Variants in DHX16 observed in about 807,000 individuals in gnomAD.
The protein encoded by DHX16 is pre-mRNA-splicing factor ATP-dependent RNA helicase DHX16.
A neutral mutation model predicts 131.2 loss-of-function variants in DHX16; 81 were observed. The ratio of observed to expected loss-of-function variants is 0.62; its 90% confidence interval spans 0.52 to 0.74. The LOEUF is 0.74. DHX16 is among the 30% of genes least tolerant of loss of function. DHX16 has a pLI of 0.00. For missense variants in DHX16, 980 were observed against 1,363.1 expected, an observed-to-expected ratio of 0.72 and a Z score of 4.43; for synonymous variants, 440 against 520.2, an observed-to-expected ratio of 0.85 and a Z score of 2.10.
intron 9 of DHX16, chr6:30,661,707 C>A: frequency 1.4e-6 from 1 of 713,176 alleles, no homozygotes; most frequent in Admixed American, 2.0e-5. Flanking sequence ...AGGAACTCAT[C>A]CCCATCTTCC....
At chr6:30,654,960 G>A in intron 18 of DHX16, 81 bp from the exon 19 acceptor site, 1 of 1,479,364 alleles carries the variant, frequency 6.8e-7, no homozygotes, top group Non-Finnish European at 9.1e-7. Context: ...TTTTAGTTCA[G>A]GCTTCAGGAA....
rs543187031 is a variant in DHX16 at position 30,665,623 on chromosome 6, G to A, written c.777C>T (p.Asp259=). ...ELADEEFLFG[D]VELSRHERQE... The stretch of plus-strand genomic sequence containing the variant: ...GCCGCTCGTGCCGGCTCAGCTCCAC[G>A]TCCCCAAAAAGGAACTCCTCATCAG... Residue 259 remains aspartate, a synonymous_variant, in exon 5 of 20, where the codon GAC becomes GAT. Transcript: ENST00000376442. The surrounding 1 kb of genome is among the most constrained non-coding windows in gnomAD (Gnocchi z 4.8). The A allele has an allele frequency of 1.2e-4, 190 of 1,612,816 alleles. No homozygotes were observed. The East Asian group carries it at 2.9e-3, about 24-fold the overall frequency.
intron 4 of DHX16, among the ~76,000 whole-genome samples, chr6:30,666,587 C>T (rs1309916909): frequency 1.3e-5 from 2 of 152,110 alleles, no homozygotes; most frequent in Non-Finnish European, 2.9e-5. Flanking sequence ...GTGGGTGGAT[C>T]ACCTAAGGTC....
chr6:30,657,107 AT>A lies in DHX16; in HGVS notation c.2008-16del. ...GCCACAACCACCTGAGTGATAGGAT[AT>A]GGGGTCACCCAGTGACCCCACCTAC... On this transcript the variant is annotated splice_polypyrimidine_tract_variant and intron_variant, in intron 12 of 19. Transcript: ENST00000376442. The A allele has an allele frequency of 6.2e-7, 1 of 1,606,920 alleles. No homozygotes were observed. The highest frequency in any genetic ancestry group is 8.5e-7 in the Non-Finnish European group (1 of 1,176,792).
In DHX16 at chr6:30,662,210, G is replaced by C. The variant is rs1391748738; in HGVS notation, c.1544+417C>G. ...AGCCATTGGTATTGAGTTGGAATCT[G>C]TCTCCCTGTAACCTCCCCATGGCTC... On this transcript the variant is annotated intron_variant, in intron 9 of 19. Coordinates refer to ENST00000376442, the MANE Select transcript of DHX16 (RefSeq NM_003587.5). This position sits in a 1 kb window ranked among gnomAD's most constrained non-coding sequence, Gnocchi z 4.7. 6.6e-6 allele frequency among the ~76,000 whole-genome samples: 1 copy of C among 152,152 alleles called. No individual in the cohort carries two copies. The highest frequency in any genetic ancestry group is 2.4e-5 in the African/African-American group (1 of 41,426).
In DHX16 at chr6:30,653,450, T is replaced by TGAA; in HGVS notation, c.2998-83_2998-81dup. 3.4e-6 allele frequency: 5 copies of TGAA among 1,471,356 alleles called. No individual in the cohort carries two copies. The South Asian group carries it at 6.8e-5, about 20-fold the overall frequency. The allele number at this position is 1,471,356 out of a possible 1,614,324, so 91.1% of individuals were successfully genotyped here. A position where few individuals can be genotyped will look rare whatever the true frequency, so the allele number is the denominator to read the frequency against. ...TTGTTGTTATTTTTTTTTCTTAAATTGAAACAGAGTCTTGCTCTATTGCCC... is the reference window on the plus strand; with the variant it reads ...TTGTTGTTATTTTTTTTTCTTAAATTGAAGAAACAGAGTCTTGCTCTATTGCCC... On this transcript the variant is annotated intron_variant, in intron 19 of 19. Coordinates refer to ENST00000376442, the MANE Select transcript of DHX16 (RefSeq NM_003587.5).
intron 18 of DHX16, 87 bp downstream of exon 18, chr6:30,655,088 G>C (rs543690636): frequency 5.2e-6 from 8 of 1,551,682 alleles, no homozygotes; most frequent in African/African-American, 2.7e-5. Flanking sequence ...ATGCTCTCAC[G>C]CTGGAGGAAA....
At chr6:30,669,553 C>T (rs1415688849) in intron 4 of DHX16, among the ~76,000 whole-genome samples, 1 of 151,626 alleles carries the variant, frequency 6.6e-6, no homozygotes, top group African/African-American at 2.4e-5. Flanking sequence ...GTCAGGGGTT[C>T]GAGACCACCC....
chr6:30,654,819 CTG>C lies in DHX16; in HGVS notation c.2882_2883del (p.Thr961SerfsTer17), dbSNP rs1767813388. The C allele has an allele frequency of 6.2e-7, 1 of 1,612,972 alleles. No individual in the cohort carries two copies. The highest frequency in any genetic ancestry group is 8.5e-7 in the Non-Finnish European group (1 of 1,180,026). On this transcript the variant is annotated frameshift_variant, in exon 19 of 20. Transcript: ENST00000376442. LOFTEE classifies it high-confidence loss of function. Reference protein sequence around the residue: ...TARLTRSGYRTVKQQQTVFIH... With the variant: ...TARLTRSGYRXVKQQQTVFIH... ...ATGAAGACTGTCTGCTGCTGTTTCA[CTG>C]TGCGGTAGCCACTCCGAGTCAACCG...
chr6:30,661,699 G>T, intron 9 of DHX16: 1 of 711,708 alleles, frequency 1.4e-6, no homozygotes, highest in South Asian at 1.5e-5. Context: ...CAAGTCCCAG[G>T]AACTCATCCC....
At position 30,664,848 on chromosome 6, in the gene DHX16, T is replaced by C; in HGVS notation, c.1270A>G (p.Thr424Ala). 6.2e-7 allele frequency: 1 copy of C among 1,612,996 alleles called. No homozygotes were observed. Among genetic ancestry groups the C allele is most frequent in the Non-Finnish European group, 8.5e-7 (1 of 1,180,000 alleles). ...NHQVLIIEGE[T>A]GSGKTTQIPQ... ...ATCTGGGTGGTCTTCCCTGAGCCTG[T>C]CTCGCCTTCAATGATGAGGACTTGG... The change falls in exon 7 of 20, where the codon ACA (threonine) becomes GCA (alanine). Residue 424 changes from threonine to alanine, a missense_variant. Around this residue, in one of 3 missense-constraint regions of DHX16, gnomAD observed 309 missense variants for 537.1 expected, o/e 0.58. Transcript: ENST00000376442.
In DHX16 at chr6:30,671,228, C is replaced by T. The variant is rs751584086; in HGVS notation, c.254G>A (p.Arg85Gln). The T allele has an allele frequency of 3.1e-6, 5 of 1,612,932 alleles. No homozygotes were observed. The highest frequency in any genetic ancestry group is 4.5e-5 in the East Asian group (2 of 44,900). Reference sequence around the variant, plus strand: ...CTTCTCCAGCAGGGCCCGGGCCTCTCGCTCTGCTGCCCGAGCTGGCTTTTC... The same window carrying T: ...CTTCTCCAGCAGGGCCCGGGCCTCTTGCTCTGCTGCCCGAGCTGGCTTTTC... The part of the protein sequence containing the change: ...VVEKPARAAE[R>Q]EARALLEKNR... The change falls in exon 2 of 20, where the codon CGA becomes CAA. Residue 85 changes from arginine (R) to glutamine (Q), a missense_variant. Around this residue, in one of 3 missense-constraint regions of DHX16, gnomAD observed 457 missense variants for 554.8 expected, o/e 0.82. Transcript: ENST00000376442.
At position 30,662,000 on chromosome 6, in the gene DHX16, C is replaced by G. The variant is rs978636365; in HGVS notation, c.1544+627G>C. 1.4e-5 allele frequency: 9 copies of G among 638,260 alleles called. No individual in the cohort carries two copies. In the African/African-American group the frequency reaches 1.4e-4, roughly 10 times the overall value. The allele number at this position is 638,260 out of a possible 1,614,324, so 39.5% of individuals were successfully genotyped here. Reference sequence around the variant, plus strand: ...ATTGTTCAGCTGGCCTGACCCCACCCCCATTACATTCATGAATCCCTTTTC... The same window carrying G: ...ATTGTTCAGCTGGCCTGACCCCACCGCCATTACATTCATGAATCCCTTTTC... On this transcript the variant is annotated intron_variant, in intron 9 of 19. Coordinates refer to ENST00000376442, the MANE Select transcript of DHX16 (RefSeq NM_003587.5).
At chr6:30,654,947 C>T (rs1767829220) in intron 18 of DHX16, 68 bp from the exon 19 acceptor site, 1 of 1,516,478 alleles carries the variant, frequency 6.6e-7, no homozygotes, top group Non-Finnish European at 8.9e-7. Context: ...GAATGCACTA[C>T]CTTTTTAGTT....
chr6:30,656,613 C>CA lies in DHX16; in HGVS notation c.2294dup (p.Leu765PhefsTer10). 1 of 1,614,168 alleles carries CA rather than the reference C, an allele frequency of 6.2e-7. No homozygotes were observed. ...CCCAATCACCTAAGCTCTTGAGCAG[C>CA]AACACGACATTGCCCAAGCTGGTCC... is the stretch of plus-strand genomic sequence containing the variant. On this transcript the variant is annotated frameshift_variant, in exon 14 of 20. Transcript: ENST00000376442. LOFTEE classifies it high-confidence loss of function. The surrounding 1 kb of genome is among the most constrained non-coding windows in gnomAD (Gnocchi z 5.1).
Position 30,662,673 on chromosome 6 carries a change from T to A in DHX16, c.1498A>T (p.Met500Leu), listed in dbSNP as rs753726567. 1.2e-6 allele frequency: 2 copies of A among 1,613,112 alleles called. No homozygotes were observed. The highest frequency in any genetic ancestry group is 4.5e-5 in the East Asian group (2 of 44,890). The stretch of plus-strand genomic sequence containing the variant: ...TCAGAGAGGAACTCCCGGAGAAGCA[T>A]CCCATCTGTCATGTAGCGGAGGACA... Reference protein sequence around the residue: ...RTVLRYMTDGMLLREFLSEPD... With the variant: ...RTVLRYMTDGLLLREFLSEPD... Residue 500 changes from methionine to leucine, a missense_variant, in exon 9 of 20, where the codon ATG (methionine) becomes TTG (leucine). Physicochemically the swap from Met to Leu is conservative, Grantham distance 15. Transcript: ENST00000376442. This position sits in a 1 kb window ranked among gnomAD's most constrained non-coding sequence, Gnocchi z 4.7.
In DHX16 at chr6:30,671,132, C is replaced by G; in HGVS notation, c.350G>C (p.Ser117Thr). 4.3e-6 allele frequency: 7 copies of G among 1,613,114 alleles called. No individual in the cohort carries two copies. Among genetic ancestry groups the G allele is most frequent in the Non-Finnish European group, 5.9e-6 (7 of 1,180,044 alleles). Residue 117 changes from serine to threonine, a missense_variant, in exon 2 of 20, where the codon AGC (serine) becomes ACC (threonine). This residue lies in a region of DHX16 where 457 missense variants were observed against 554.8 expected (regional missense o/e 0.82). Transcript: ENST00000376442. The part of the protein sequence containing the change: ...SEETVSRAGS[S>T]LQKKRKKRKH... ...CCGCTTTTTACGTTTCTTCTGGAGG[C>G]TGCTTCCAGCCCTACTCACAGTCTC... is the stretch of plus-strand genomic sequence containing the variant.
chr6:30,670,338 C>T lies in DHX16; in HGVS notation c.666+72G>A. ...ACACTGTGCTTCCTCTGTATCCTCT[C>T]TCCCTATACACTCTATCAGAAAGTC... On this transcript the variant is annotated intron_variant, in intron 4 of 19. Transcript: ENST00000376442. This position sits in a 1 kb window ranked among gnomAD's most constrained non-coding sequence, Gnocchi z 4.4. 1 of 1,457,386 alleles carries T rather than the reference C, an allele frequency of 6.9e-7. No homozygotes were observed. 90.3% of individuals were successfully genotyped at this position (1,457,386 alleles called of 1,614,324 possible).
intron 9 of DHX16, chr6:30,660,580 T>C (rs1768418928): frequency 7.6e-6 from 2 of 264,148 alleles, no homozygotes; most frequent in Non-Finnish European, 1.4e-5. Context: ...TAGAAAAAGT[T>C]GAAGGATATG....
Sources: allele counts gnomAD v4.1 joint callset (sites outside exome capture counted in the v4.1 genomes callset), GRCh38; gene constraint gnomAD v4.1.1; regional missense constraint gnomAD v4.1.1; non-coding constraint Gnocchi (gnomAD v3.1); transcripts MANE v1.5; gene names NCBI Gene and HGNC (gene_info 2026-07-23, HGNC 2026-07-21).